Variants in FLNB observed in about 807,000 individuals in gnomAD.
FLNB encodes the protein filamin B, also known as filamin-B.
A neutral mutation model predicts 250.6 loss-of-function variants in FLNB; 111 were observed. The observed-to-expected ratio is 0.44, with a 90% CI of 0.38 to 0.52. FLNB has a LOEUF of 0.52. Ranked by LOEUF, FLNB falls within the 20% of genes least tolerant of loss-of-function variation. The pLI is 0.00. For missense variants in FLNB, 2,869 were observed against 3,447.8 expected (o/e 0.83, Z 4.20); for synonymous variants, 1,302 against 1,372.1 (o/e 0.95, Z 1.13).
intron 1 of FLNB, among the ~76,000 whole-genome samples, chr3:58,047,577 T>C (rs1313680173): frequency 3.3e-5 from 5 of 152,052 alleles, no homozygotes; most frequent in Non-Finnish European, 2.9e-5. Context: ...CTTTTTTTTT[T>C]TTTAATTTAT....
chr3:58,045,360 G>A (rs2097152203), intron 1 of FLNB, among the ~76,000 whole-genome samples: 1 of 152,194 alleles, frequency 6.6e-6, no homozygotes, highest in Admixed American at 6.5e-5. Context: ...ACCATCTAAA[G>A]CAAGCCTGTC....
At chr3:58,125,934 T>C (rs938491602) in intron 23 of FLNB, among the ~76,000 whole-genome samples, 191 bp downstream of exon 23, 2 of 152,224 alleles carry the variant, frequency 1.3e-5, no homozygotes, top group Non-Finnish European at 2.9e-5. Flanking sequence ...TTGATAATGG[T>C]CATGAAACTA....
chr3:58,110,034 G>A lies in FLNB; in HGVS notation c.2348G>A (p.Cys783Tyr). The A allele has an allele frequency of 6.2e-7, 1 of 1,614,168 alleles. No homozygotes were observed. The highest frequency in any genetic ancestry group is 8.5e-7 in the Non-Finnish European group (1 of 1,180,016). The change falls in exon 16 of 46, where the codon TGT becomes TAT. Residue 783 changes from cysteine (C) to tyrosine (Y), a missense_variant. Physicochemically the swap from Cys to Tyr is radical, Grantham distance 194. Around this residue, in one of 5 missense-constraint regions of FLNB, gnomAD observed 1,348 missense variants for 1,466.7 expected, o/e 0.92. Transcript: ENST00000295956. ...GGTGATGTCAGTGTTGGCATTAAGT[G>A]TGATGCCCGGGTGTTAAGTGAAGAT... ...GEGDVSVGIK[C>Y]DARVLSEDEE...
At chr3:58,062,843 G>T (rs1285345939) in intron 1 of FLNB, among the ~76,000 whole-genome samples, 1 of 152,196 alleles carries the variant, frequency 6.6e-6, no homozygotes, top group Non-Finnish European at 1.5e-5. Context: ...TCTTGAACCA[G>T]AATTGAATGG....
At chr3:58,104,897 A>G (rs553960870) in intron 10 of FLNB, among the ~76,000 whole-genome samples, 183 bp from the exon 11 acceptor site, 2 of 152,230 alleles carry the variant, frequency 1.3e-5, no homozygotes, top group East Asian at 3.9e-4. Context: ...ATTACATTAT[A>G]TTGTTGACAT....
At chr3:58,108,605 G>A (rs893090772) in intron 13 of FLNB, 34 bp downstream of exon 13, 4 of 1,395,694 alleles carry the variant, frequency 2.9e-6, no homozygotes, top group Non-Finnish European at 4.1e-6. Context: ...GCAGGTAATT[G>A]TCAGGTAACA....
intron 42 of FLNB, among the ~76,000 whole-genome samples, chr3:58,161,417 A>G (rs2097361555): frequency 6.6e-6 from 1 of 152,120 alleles, no homozygotes. Flanking sequence ...TGTTTACTAG[A>G]TCACTGTGAG....
rs1010757764 is a variant in FLNB at position 58,171,711 on chromosome 3, A to G, written c.*949A>G. Reference sequence around the variant, plus strand: ...TCCGTCCCATGACATAACACTCCACACCCGCCCCAGCCAACTTCATGGGTC... The same window carrying G: ...TCCGTCCCATGACATAACACTCCACGCCCGCCCCAGCCAACTTCATGGGTC... On this transcript the variant is annotated 3_prime_UTR_variant, in exon 46 of 46. Transcript: ENST00000295956. The surrounding 1 kb of genome is among the most constrained non-coding windows in gnomAD (Gnocchi z 5.5). The G allele has an allele frequency of 6.6e-6, 1 of 152,206 alleles. No homozygotes were observed. The highest frequency in any genetic ancestry group is 1.5e-5 in the Non-Finnish European group (1 of 68,164). 9.4% of individuals were successfully genotyped at this position (152,206 alleles called of 1,614,324 possible).
intron 1 of FLNB, among the ~76,000 whole-genome samples, chr3:58,068,645 G>C (rs1188083474): frequency 6.6e-6 from 1 of 152,200 alleles, no homozygotes; most frequent in South Asian, 2.1e-4. Flanking sequence ...AACAGGCAAG[G>C]ATGGAGAGAA....
intron 36 of FLNB, chr3:58,149,595 G>A: frequency 1.8e-6 from 1 of 554,406 alleles, no homozygotes. Context: ...ATCATCTATG[G>A]GATATTAGTA....
intron 1 of FLNB, among the ~76,000 whole-genome samples, chr3:58,060,281 C>T (rs2097176114): frequency 6.6e-6 from 1 of 151,316 alleles, no homozygotes; most frequent in Non-Finnish European, 1.5e-5. Context: ...CTTTGGAAGG[C>T]AGAGGCGGGA....
At chr3:58,123,787 A>G (rs2097293009) in intron 21 of FLNB, 97 bp downstream of exon 21, 1 of 1,039,000 alleles carries the variant, frequency 9.6e-7, no homozygotes, top group African/African-American at 1.6e-5. Flanking sequence ...CACCTGCAGG[A>G]GCCAGGTGAC....
rs372721224 is a variant in FLNB at position 58,031,659 on chromosome 3, C to T, written c.292+22803C>T. ...TTCCACCTCCCAGGCTCAAGCAATC[C>T]TCCCACCTCAGCCTCCTGAGTAGCT... On this transcript the variant is annotated intron_variant, in intron 1 of 45. Transcript: ENST00000295956. Among the ~76,000 whole-genome samples, 10 of 149,620 alleles carry T rather than the reference C, an allele frequency of 6.7e-5. 1 individual carries two copies. The South Asian group carries it at 1.3e-3, about 19-fold the overall frequency.
At chr3:58,017,312 G>A (rs1431443631) in intron 1 of FLNB, among the ~76,000 whole-genome samples, 12 of 152,180 alleles carry the variant, frequency 7.9e-5, no homozygotes, top group Admixed American at 7.9e-4. Flanking sequence ...GTGCAGTGGC[G>A]CTATCTCAGC....
At chr3:58,155,571 A>G (rs1305780171) in intron 40 of FLNB, among the ~76,000 whole-genome samples, 1 of 152,208 alleles carries the variant, frequency 6.6e-6, no homozygotes, top group Non-Finnish European at 1.5e-5. Flanking sequence ...ACATAAAAAT[A>G]TATGATTTTT....
At chr3:58,066,095 G>C (rs893049506) in intron 1 of FLNB, among the ~76,000 whole-genome samples, 4 of 152,148 alleles carry the variant, frequency 2.6e-5, no homozygotes, top group African/African-American at 9.7e-5. Flanking sequence ...GCAACAGAAT[G>C]AGTTTGTATA....
At chr3:58,078,598 T>C in intron 2 of FLNB, 119 bp from the exon 3 acceptor site, 1 of 1,520,918 alleles carries the variant, frequency 6.6e-7, no homozygotes, top group Non-Finnish European at 8.9e-7. Flanking sequence ...TTTGCTCAGA[T>C]TTTAGGAAAA....
At chr3:58,139,282 T>C (rs952390598) in intron 29 of FLNB, among the ~76,000 whole-genome samples, 7 of 152,212 alleles carry the variant, frequency 4.6e-5, no homozygotes, top group Non-Finnish European at 1.0e-4. Flanking sequence ...TTGGCTTTTT[T>C]ACAAATGAAG....
At chr3:58,097,707 C>A in intron 6 of FLNB, 108 bp from the exon 7 acceptor site, 2 of 1,099,946 alleles carry the variant, frequency 1.8e-6, no homozygotes, top group Non-Finnish European at 2.7e-6. Context: ...CTTGTGTGTG[C>A]CATCATGGGA....
Sources: allele counts gnomAD v4.1 joint callset (sites outside exome capture counted in the v4.1 genomes callset), GRCh38; gene constraint gnomAD v4.1.1; regional missense constraint gnomAD v4.1.1; non-coding constraint Gnocchi (gnomAD v3.1); transcripts MANE v1.5; gene names NCBI Gene and HGNC (gene_info 2026-07-23, HGNC 2026-07-21).